Variants in PHACTR1 observed in about 807,000 individuals in gnomAD.
The protein encoded by PHACTR1 is RPEL repeat containing 1.
A neutral mutation model predicts 69.2 loss-of-function variants in PHACTR1; 16 were observed. That is an observed-to-expected ratio of 0.23 (90% CI 0.16 to 0.35). PHACTR1 has a LOEUF of 0.35. PHACTR1 is among the 10% of genes least tolerant of loss of function. The probability of loss-of-function intolerance (pLI) is 1.00; values close to 1 mark genes in which losing one functional copy is unlikely to be tolerated. For missense variants in PHACTR1, 510 were observed against 734.7 expected, an observed-to-expected ratio of 0.69 and a Z score of 3.54; for synonymous variants, 312 against 284.5, an observed-to-expected ratio of 1.10 and a Z score of -0.97.
chr6:12,806,166 C>T (rs139218415), intron 4 of PHACTR1, among the ~76,000 whole-genome samples: 4 of 152,310 alleles, frequency 2.6e-5, no homozygotes, highest in African/African-American at 7.2e-5. Context: ...ACACCTTCTG[C>T]GATCCTCATC....
intron 4 of PHACTR1, among the ~76,000 whole-genome samples, chr6:12,791,204 G>T (rs566336392): frequency 6.6e-6 from 1 of 152,316 alleles, no homozygotes; most frequent in African/African-American, 2.4e-5. Flanking sequence ...TCTGCAGAAG[G>T]AGAAGGAAGC....
At chr6:12,716,944 G>A (rs1040952404) in intron 1 of PHACTR1, 48 bp downstream of exon 1, 1 of 148,454 alleles carries the variant, frequency 6.7e-6, no homozygotes, top group Non-Finnish European at 1.5e-5. Flanking sequence ...TATCTTTTTG[G>A]CTAATTTTCC....
intron 4 of PHACTR1, among the ~76,000 whole-genome samples, chr6:13,016,068 A>G (rs540505652): frequency 3.3e-5 from 5 of 152,344 alleles, no homozygotes; most frequent in South Asian, 2.1e-4. Context: ...GGAAGTTCCA[A>G]TAAAATTTCA....
At chr6:13,183,768 A>C (rs888632591) in intron 7 of PHACTR1, among the ~76,000 whole-genome samples, 2 of 152,182 alleles carry the variant, frequency 1.3e-5, no homozygotes, top group Non-Finnish European at 2.9e-5. Context: ...TTTTAAAAAG[A>C]ATCCAGACTT....
chr6:13,219,421 G>A (rs1484925826), intron 8 of PHACTR1, among the ~76,000 whole-genome samples: 1 of 152,148 alleles, frequency 6.6e-6, no homozygotes, highest in Non-Finnish European at 1.5e-5. Context: ...CATCATGCAG[G>A]GTCATGGGAG....
At chr6:13,084,412 T>A in intron 5 of PHACTR1, among the ~76,000 whole-genome samples, 1 of 148,636 alleles carries the variant, frequency 6.7e-6, no homozygotes, top group Non-Finnish European at 1.5e-5. Context: ...TTAGGAGATA[T>A]CCCTAATGCT....
intron 5 of PHACTR1, among the ~76,000 whole-genome samples, chr6:13,080,545 C>T (rs1811211297): frequency 6.6e-6 from 1 of 152,200 alleles, no homozygotes; most frequent in East Asian, 1.9e-4. Context: ...GATGGTCTTC[C>T]AAGAACTAAT....
chr6:13,184,490 G>A (rs1762579314), intron 7 of PHACTR1, among the ~76,000 whole-genome samples: 2 of 152,202 alleles, frequency 1.3e-5, no homozygotes, highest in Admixed American at 1.3e-4. Flanking sequence ...GCATGTGTAG[G>A]GTTTGCATGA....
rs147272350 is a variant in PHACTR1, at chr6:12,994,745, T to C, written c.251-58620T>C. Among the ~76,000 whole-genome samples, 46 of 152,236 alleles carry C rather than the reference T, an allele frequency of 3.0e-4. 2 individuals carry two copies. The East Asian group carries it at 6.2e-3, about 20-fold the overall frequency. On this transcript the variant is annotated intron_variant, in intron 4 of 14. Coordinates refer to ENST00000332995, the MANE Select transcript of PHACTR1 (RefSeq NM_030948.6). Reference sequence around the variant, plus strand: ...AAGAGAGTATTATAAGCATACTATTTAGAAACTTGGAGTTAAATACCATAC... The same window carrying C: ...AAGAGAGTATTATAAGCATACTATTCAGAAACTTGGAGTTAAATACCATAC...
intron 5 of PHACTR1, among the ~76,000 whole-genome samples, chr6:13,082,199 G>A (rs1359121613): frequency 6.6e-6 from 1 of 152,060 alleles, no homozygotes; most frequent in East Asian, 1.9e-4. Flanking sequence ...TCCACCGTTA[G>A]GAGTGTATGC....
chr6:13,037,563 A>T (rs1803493577), intron 4 of PHACTR1, among the ~76,000 whole-genome samples: 1 of 152,210 alleles, frequency 6.6e-6, no homozygotes, highest in African/African-American at 2.4e-5. Flanking sequence ...CTTGAGGCAG[A>T]AATGATGGGT....
intron 1 of PHACTR1, among the ~76,000 whole-genome samples, chr6:12,717,172 C>G (rs1194207268): frequency 1.3e-5 from 2 of 152,042 alleles, no homozygotes; most frequent in Non-Finnish European, 2.9e-5. Context: ...GCTAAAATGG[C>G]CTTTCCCTAA....
intron 4 of PHACTR1, among the ~76,000 whole-genome samples, chr6:13,003,963 ATG>A (rs70989821): frequency 0.02 from 1,801 of 90,168 alleles, 303 homozygotes; most frequent in African/African-American, 0.1. Flanking sequence ...ATATATATAT[ATG>A]TATATATATA....
At chr6:12,978,192 C>T (rs1277864504) in intron 4 of PHACTR1, among the ~76,000 whole-genome samples, 1 of 152,184 alleles carries the variant, frequency 6.6e-6, no homozygotes, top group East Asian at 1.9e-4. Context: ...TCTACTCCTC[C>T]ATCTCCCACT....
chr6:13,038,879 C>T (rs1343170874), intron 4 of PHACTR1, among the ~76,000 whole-genome samples: 1 of 152,152 alleles, frequency 6.6e-6, no homozygotes, highest in African/African-American at 2.4e-5. Flanking sequence ...CCTCACAGTG[C>T]CTGCCATGTT....
chr6:12,769,998 A>C (rs139762460), intron 4 of PHACTR1, among the ~76,000 whole-genome samples: 2 of 152,206 alleles, frequency 1.3e-5, no homozygotes, highest in African/African-American at 4.8e-5. Flanking sequence ...AAAAGATGTG[A>C]TATACCAGTG....
chr6:12,841,883 A>G (rs1488642619), intron 4 of PHACTR1, among the ~76,000 whole-genome samples: 3 of 152,174 alleles, frequency 2.0e-5, no homozygotes, highest in Non-Finnish European at 4.4e-5. Flanking sequence ...TTAATTAAGC[A>G]GCTTATTTCA....
Position 13,287,135 on chromosome 6 carries a change from A to C in PHACTR1, c.*57A>C. 6.7e-7 allele frequency: 1 copy of C among 1,502,066 alleles called. No homozygotes were observed. Among genetic ancestry groups the C allele is most frequent in the Non-Finnish European group, 9.1e-7 (1 of 1,094,394 alleles). 93.0% of individuals were successfully genotyped at this position (1,502,066 alleles called of 1,614,324 possible). On this transcript the variant is annotated 3_prime_UTR_variant, in exon 15 of 15. Transcript: ENST00000332995. ...TTCAAAACATAAATTTATAAGAACC[A>C]TAAGTGCTGGTATTTATTCACTTCC...
chr6:12,836,265 C>T (rs747098880), intron 4 of PHACTR1, among the ~76,000 whole-genome samples: 14 of 152,142 alleles, frequency 9.2e-5, no homozygotes, highest in Non-Finnish European at 1.3e-4. Context: ...CTCCTGCCAA[C>T]TCTGTTTCTT....
Sources: allele counts gnomAD v4.1 joint callset (sites outside exome capture counted in the v4.1 genomes callset), GRCh38; gene constraint gnomAD v4.1.1; transcripts MANE v1.5; gene names NCBI Gene and HGNC (gene_info 2026-07-23, HGNC 2026-07-21).